RARB: variants seen among roughly 807,000 people sequenced by gnomAD.
RARB encodes the protein retinoic acid receptor beta.
RARB carries 17 observed loss-of-function variants against 51.9 expected under a neutral mutation model. The ratio of observed to expected loss-of-function variants is 0.33; its 90% CI spans 0.22 to 0.49. The LOEUF (loss-of-function observed/expected upper bound fraction) is 0.49, where lower values mean the gene tolerates loss of function less well. Among genes scored for constraint, RARB ranks in the 20% least tolerant of loss-of-function variants. The pLI is 0.99. For missense variants in RARB, 369 were observed against 550.8 expected (o/e 0.67, Z 3.30); for synonymous variants, 215 against 195.4 (o/e 1.10, Z -0.84).
At chr3:25,555,039 C>G (rs1575514692) in intron 3 of RARB, among the ~76,000 whole-genome samples, 1 of 152,206 alleles carries the variant, frequency 6.6e-6, no homozygotes, top group East Asian at 1.9e-4. Context: ...TCAAAACTGC[C>G]ACATTGCGGA....
rs563271862 is a variant in RARB at position 25,330,804 on chromosome 3, A to G, written c.179-130389A>G. On this transcript the variant is annotated intron_variant, in intron 5 of 11. Transcript: ENST00000383772. The stretch of plus-strand genomic sequence containing the variant: ...CAGAGACACACATAGGCTCAAAATA[A>G]AGGGATGGAGGAGGATCTACCAAGC... 2.0e-5 allele frequency among the ~76,000 whole-genome samples: 3 copies of G among 152,336 alleles called. No individual in the cohort carries two copies. In the South Asian group the frequency reaches 6.2e-4, roughly 32 times the overall value.
At chr3:25,253,355 T>G (rs981686744) in intron 5 of RARB, among the ~76,000 whole-genome samples, 3 of 152,184 alleles carry the variant, frequency 2.0e-5, no homozygotes, top group African/African-American at 7.2e-5. Flanking sequence ...ATTTTACTAT[T>G]CTGGGAAATT....
chr3:25,246,036 T>G (rs1434665218), intron 5 of RARB, among the ~76,000 whole-genome samples: 1 of 152,140 alleles, frequency 6.6e-6, no homozygotes, highest in Non-Finnish European at 1.5e-5. Flanking sequence ...CTTTTTTCTC[T>G]AATCTTGTCT....
chr3:24,949,335 G>GA (rs551160351), intron 2 of RARB, among the ~76,000 whole-genome samples: 58 of 152,198 alleles, frequency 3.8e-4, no homozygotes, highest in Middle Eastern at 6.8e-3. Flanking sequence ...TCTGAGACAG[G>GA]AAAAAATATA....
rs939080801 is a variant in RARB, at chr3:25,250,067, C to T, written c.178+75492C>T. Among the ~76,000 whole-genome samples the T allele has an allele frequency of 2.6e-5, 4 of 152,050 alleles. No individual in the cohort carries two copies. The South Asian group carries it at 6.2e-4, about 24-fold the overall frequency. ...CAGTGGTAGGACAACCCTCTGACTC[C>T]CAGGGAGTCCACACTGGTGCTGGTG... On this transcript the variant is annotated intron_variant, in intron 5 of 11. Coordinates refer to the RARB transcript ENST00000383772.
chr3:25,004,369 T>C (rs1191038429), intron 2 of RARB, among the ~76,000 whole-genome samples: 2 of 152,150 alleles, frequency 1.3e-5, no homozygotes, highest in Non-Finnish European at 1.5e-5. Flanking sequence ...ATAATTTATA[T>C]TAAACAGATT....
At chr3:25,251,342 G>GT (rs1375647155) in intron 5 of RARB, among the ~76,000 whole-genome samples, 3 of 152,002 alleles carry the variant, frequency 2.0e-5, no homozygotes, top group African/African-American at 7.2e-5. Flanking sequence ...TTGTGTACAA[G>GT]TTTTTTCATG....
chr3:25,515,503 A>G (rs917325680), intron 3 of RARB, among the ~76,000 whole-genome samples: 1 of 152,170 alleles, frequency 6.6e-6, no homozygotes, highest in Non-Finnish European at 1.5e-5. Flanking sequence ...TAATAGTCCA[A>G]TCCTGGGGGG....
intron 3 of RARB, among the ~76,000 whole-genome samples, chr3:25,553,370 T>C (rs1699923686): frequency 6.6e-6 from 1 of 152,226 alleles, no homozygotes; most frequent in Non-Finnish European, 1.5e-5. Flanking sequence ...TAGAGAACTC[T>C]AGGAATCTTT....
chr3:24,993,953 C>G (rs990255604), intron 2 of RARB, among the ~76,000 whole-genome samples: 2 of 152,100 alleles, frequency 1.3e-5, no homozygotes, highest in African/African-American at 2.4e-5. Flanking sequence ...GTGAATAGTG[C>G]TGCAGTAAAC....
intron 3 of RARB, among the ~76,000 whole-genome samples, chr3:25,511,034 C>A (rs1697866768): frequency 1.3e-5 from 2 of 152,350 alleles, no homozygotes; most frequent in African/African-American, 4.8e-5. Context: ...TCTACTATTG[C>A]AGCTTCAGAG....
At chr3:25,428,170 C>A, upstream of RARB, 1 of 1,134,442 alleles carries the variant, frequency 8.8e-7, no homozygotes, top group Non-Finnish European at 1.1e-6. Flanking sequence ...TTGGTGATGT[C>A]AGACTAGTTG....
chr3:25,482,924 A>G (rs1199630537), intron 2 of RARB, among the ~76,000 whole-genome samples: 2 of 152,226 alleles, frequency 1.3e-5, no homozygotes, highest in Non-Finnish European at 2.9e-5. Flanking sequence ...AATTATTTCA[A>G]CAATTAATAT....
intron 5 of RARB, among the ~76,000 whole-genome samples, chr3:25,346,406 T>C (rs1313938812): frequency 6.6e-6 from 1 of 152,166 alleles, no homozygotes; most frequent in African/African-American, 2.4e-5. Context: ...GGAACTACAG[T>C]CCAAACAAAA....
intron 2 of RARB, among the ~76,000 whole-genome samples, chr3:25,475,801 C>T (rs912300828): frequency 5.3e-5 from 8 of 152,194 alleles, no homozygotes; most frequent in African/African-American, 1.9e-4. Context: ...ATGCATCTGG[C>T]ATTTGTTACT....
chr3:24,976,684 C>T (rs1372415732), intron 2 of RARB, among the ~76,000 whole-genome samples: 3 of 152,130 alleles, frequency 2.0e-5, no homozygotes, highest in Non-Finnish European at 4.4e-5. Context: ...GGATAGACTA[C>T]AAAAATTTTC....
intron 5 of RARB, among the ~76,000 whole-genome samples, chr3:25,340,894 G>A (rs1199219288): frequency 2.6e-5 from 4 of 152,300 alleles, no homozygotes; most frequent in African/African-American, 9.6e-5. Flanking sequence ...CTTTCCAGGT[G>A]AGGTTATCTG....
intron 4 of RARB, among the ~76,000 whole-genome samples, chr3:25,145,507 AAG>A (rs1553637032): frequency 6.6e-6 from 1 of 151,736 alleles, no homozygotes; most frequent in Non-Finnish European, 1.5e-5. Context: ...TTTCAAAAAA[AAG>A]AAAAAGAAAT....
At chr3:24,947,309 C>T (rs574279915) in intron 2 of RARB, among the ~76,000 whole-genome samples, 1 of 152,356 alleles carries the variant, frequency 6.6e-6, no homozygotes, top group African/African-American at 2.4e-5. Context: ...CATCATTTCT[C>T]TGTTTACCAA....
Sources: allele counts gnomAD v4.1 joint callset (sites outside exome capture counted in the v4.1 genomes callset), GRCh38; gene constraint gnomAD v4.1.1; transcripts MANE v1.5; gene names NCBI Gene and HGNC (gene_info 2026-07-23, HGNC 2026-07-21).